CDK14: variants seen among roughly 807,000 people sequenced by gnomAD.
The protein encoded by CDK14 is cyclin-dependent kinase 14.
A neutral mutation model predicts 60.7 loss-of-function variants in CDK14; 34 were observed. The observed-to-expected ratio is 0.56, with a 90% confidence interval of 0.43 to 0.75. The LOEUF (loss-of-function observed/expected upper bound fraction) is 0.75, where lower values mean the gene tolerates loss of function less well. Among genes scored for constraint, CDK14 ranks in the 30% least tolerant of loss-of-function variants. CDK14 has a pLI of 0.00. For missense variants in CDK14, 482 were observed against 564.1 expected (o/e 0.85, Z 1.47); for synonymous variants, 197 against 203.7 (o/e 0.97, Z 0.28).
chr7:90,747,783 C>G lies in CDK14; in HGVS notation c.464+8C>G. 1 of 1,504,824 alleles carries G rather than the reference C, an allele frequency of 6.6e-7. No individual in the cohort carries two copies. Among genetic ancestry groups the G allele is most frequent in the Non-Finnish European group, 8.9e-7 (1 of 1,118,774 alleles). The allele number at this position is 1,504,824 out of a possible 1,614,324, so 93.2% of individuals were successfully genotyped here. On this transcript the variant is annotated splice_region_variant and intron_variant, in intron 4 of 14. Coordinates refer to ENST00000380050, the MANE Select transcript of CDK14 (RefSeq NM_001287135.2). ...ATACAAAGGGAAAAGCAAGTAAGTTCATTATTTTTGGAATATTTCACATGT... is the reference window on the plus strand; with the variant it reads ...ATACAAAGGGAAAAGCAAGTAAGTTGATTATTTTTGGAATATTTCACATGT...
intron 8 of CDK14, among the ~76,000 whole-genome samples, chr7:90,947,962 A>G (rs1305563797): frequency 6.6e-6 from 1 of 152,174 alleles, no homozygotes; most frequent in Non-Finnish European, 1.5e-5. Context: ...TTATGGTTGT[A>G]ATTATTTCAA....
chr7:91,059,327 C>G (rs1797699974), intron 11 of CDK14, among the ~76,000 whole-genome samples: 1 of 152,038 alleles, frequency 6.6e-6, no homozygotes, highest in Non-Finnish European at 1.5e-5. Context: ...AGCGGTCTAT[C>G]AATTTTGTTG....
At chr7:90,694,472 A>G (rs565529549) in intron 2 of CDK14, among the ~76,000 whole-genome samples, 32 of 152,308 alleles carry the variant, frequency 2.1e-4, no homozygotes, top group Admixed American at 1.8e-3. Context: ...TTTAACCATA[A>G]AAATACAGGA....
intron 11 of CDK14, among the ~76,000 whole-genome samples, chr7:91,072,829 A>G (rs889943468): frequency 8.5e-5 from 13 of 152,094 alleles, no homozygotes; most frequent in African/African-American, 3.1e-4. Flanking sequence ...AACATAAATG[A>G]CATGATGGAG....
intron 4 of CDK14, among the ~76,000 whole-genome samples, chr7:90,767,006 G>A (rs993204843): frequency 1.3e-5 from 2 of 152,064 alleles, no homozygotes; most frequent in Non-Finnish European, 2.9e-5. Flanking sequence ...GTAGTACCCT[G>A]GCTCCCCTCT....
At chr7:90,854,329 C>T (rs1225358974) in intron 5 of CDK14, among the ~76,000 whole-genome samples, 2 of 152,096 alleles carry the variant, frequency 1.3e-5, no homozygotes, top group Non-Finnish European at 2.9e-5. Context: ...GCCTGAACAA[C>T]ATAGCAAAAC....
At chr7:90,809,835 T>C (rs1236637290) in intron 5 of CDK14, among the ~76,000 whole-genome samples, 2 of 152,302 alleles carry the variant, frequency 1.3e-5, no homozygotes, top group East Asian at 1.9e-4. Context: ...GAGAATACTA[T>C]GAACACCTCT....
At chr7:90,973,102 T>C (rs1480220262) in intron 9 of CDK14, among the ~76,000 whole-genome samples, 1 of 152,320 alleles carries the variant, frequency 6.6e-6, no homozygotes, top group East Asian at 1.9e-4. Flanking sequence ...GTTCTGTTCA[T>C]CTGCTTGCCT....
At chr7:90,804,350 A>G (rs970307938) in intron 5 of CDK14, among the ~76,000 whole-genome samples, 3 of 152,218 alleles carry the variant, frequency 2.0e-5, no homozygotes, top group African/African-American at 7.2e-5. Context: ...TTGTATCACT[A>G]TTATTCTCAA....
At chr7:90,973,628 G>A (rs929521622) in intron 9 of CDK14, among the ~76,000 whole-genome samples, 1 of 152,144 alleles carries the variant, frequency 6.6e-6, no homozygotes, top group Admixed American at 6.6e-5. Flanking sequence ...GAAATAAAGA[G>A]AAAGAATACA....
At chr7:90,599,170 C>T (rs1016449801) in intron 1 of CDK14, among the ~76,000 whole-genome samples, 2 of 152,210 alleles carry the variant, frequency 1.3e-5, no homozygotes, top group African/African-American at 4.8e-5. Flanking sequence ...TTTTCATGTA[C>T]AACTCAGTTT....
At chr7:91,161,402 A>G (rs950880506) in intron 14 of CDK14, among the ~76,000 whole-genome samples, 5 of 152,234 alleles carry the variant, frequency 3.3e-5, no homozygotes, top group African/African-American at 1.2e-4. Flanking sequence ...TTCACAGTAT[A>G]TCCTGAGAAA....
rs151003908 is a variant in CDK14, at chr7:91,116,937, G to A, written c.1295-1128G>A. ...ATCCTCAGATCTGTCTATCTGCATG[G>A]ACTCCCTGGAGCCTAGATGATCTCA... On this transcript the variant is annotated intron_variant, in intron 13 of 14. Transcript: ENST00000380050. Among the ~76,000 whole-genome samples the A allele has an allele frequency of 5.6e-3, 850 of 151,412 alleles. 4 individuals carry two copies. Among genetic ancestry groups the A allele is most frequent in the Middle Eastern group, 0.024 (7 of 294 alleles).
At chr7:90,785,149 C>A (rs901284986) in intron 4 of CDK14, among the ~76,000 whole-genome samples, 1 of 152,110 alleles carries the variant, frequency 6.6e-6, no homozygotes, top group Non-Finnish European at 1.5e-5. Flanking sequence ...AAGAGAGAAG[C>A]AGAATATATT....
At chr7:90,786,957 T>C (rs1466945820) in intron 4 of CDK14, among the ~76,000 whole-genome samples, 2 of 148,532 alleles carry the variant, frequency 1.3e-5, no homozygotes, top group South Asian at 2.1e-4. Flanking sequence ...GTTTAAAATA[T>C]ACATGAACAA....
chr7:90,608,830 G>A (rs755712410), intron 2 of CDK14, among the ~76,000 whole-genome samples: 9 of 151,898 alleles, frequency 5.9e-5, no homozygotes, highest in South Asian at 2.1e-4. Flanking sequence ...TATACAAAGC[G>A]TATAAAATTA....
chr7:90,674,650 A>G (rs1301415174), intron 2 of CDK14, among the ~76,000 whole-genome samples: 1 of 152,214 alleles, frequency 6.6e-6, no homozygotes, highest in African/African-American at 2.4e-5. Context: ...GCTGAAAAAT[A>G]CCATAAAATG....
chr7:90,794,577 A>G (rs549383232), intron 5 of CDK14, among the ~76,000 whole-genome samples: 2 of 152,348 alleles, frequency 1.3e-5, no homozygotes, highest in Admixed American at 1.3e-4. Context: ...AAGAAGAGCA[A>G]TATGGCTCTG....
chr7:90,776,016 C>G (rs1392282365), intron 4 of CDK14, among the ~76,000 whole-genome samples: 4 of 152,100 alleles, frequency 2.6e-5, no homozygotes, highest in Admixed American at 6.5e-5. Flanking sequence ...ATCTGAAAAA[C>G]TCATAAGGAT....
Sources: gnomAD v4.1 joint callset for allele counts (sites outside exome capture counted in the v4.1 genomes callset) on GRCh38, gnomAD v4.1.1 for gene constraint, MANE v1.5 for transcripts, NCBI Gene and HGNC (gene_info 2026-07-23, HGNC 2026-07-21) for gene names.